The following NLE1 variants were observed in gnomAD, a reference collection of about 807,000 sequenced individuals.
The protein encoded by NLE1 is notchless homolog 1, also known as notchless protein homolog 1.
In NLE1, 37 loss-of-function variants were observed where a neutral mutation model predicts 62.8. The observed-to-expected ratio is 0.59, with a 90% CI of 0.45 to 0.78. The LOEUF is 0.78. Ranked by LOEUF, NLE1 falls within the 30% of genes least tolerant of loss-of-function variation. The pLI, the probability that NLE1 is intolerant of heterozygous loss-of-function variation, is 0.00. For missense variants in NLE1, 555 were observed against 637.9 expected, an observed-to-expected ratio of 0.87 and a Z score of 1.40; for synonymous variants, 243 against 253.0, an observed-to-expected ratio of 0.96 and a Z score of 0.37.
chr17:35,130,433 A>G lies in NLE1; in HGVS notation c.*2004T>C. Reference sequence around the variant, plus strand: ...GATCTGGAATACCTATTTCCCTGTTAAGGGGGAGGGCCCCAGGACACCCCT... The same window carrying G: ...GATCTGGAATACCTATTTCCCTGTTGAGGGGGAGGGCCCCAGGACACCCCT... On this transcript the variant is annotated 3_prime_UTR_variant, in exon 13 of 13. Coordinates refer to ENST00000442241, the MANE Select transcript of NLE1 (RefSeq NM_018096.5). 6.2e-7 allele frequency: 1 copy of G among 1,613,332 alleles called. No individual in the cohort carries two copies. Among genetic ancestry groups the G allele is most frequent in the African/African-American group, 1.3e-5 (1 of 74,990 alleles).
chr17:35,137,393 C>T lies in NLE1; in HGVS notation c.635+150G>A, dbSNP rs372211951. ...TCCCAAGCAGCAATGCAGGTCTGCCCGAGACCCTTCTCCCATGCCTGCCAA... is the reference window on the plus strand; with the variant it reads ...TCCCAAGCAGCAATGCAGGTCTGCCTGAGACCCTTCTCCCATGCCTGCCAA... On this transcript the variant is annotated intron_variant, in intron 6 of 12. Transcript: ENST00000442241. The T allele has an allele frequency of 9.7e-5, 79 of 813,722 alleles. No individual in the cohort carries two copies. The African/African-American group carries it at 1.2e-3, about 12-fold the overall frequency. The allele number at this position is 813,722 out of a possible 1,614,324, so 50.4% of individuals were successfully genotyped here.
At position 35,139,993 on chromosome 17, in the gene NLE1, G is replaced by T. The variant is rs746510430; in HGVS notation, c.236C>A (p.Ser79Tyr). 6.2e-7 allele frequency: 1 copy of T among 1,614,126 alleles called. No homozygotes were observed. Among genetic ancestry groups the T allele is most frequent in the Non-Finnish European group, 8.5e-7 (1 of 1,180,034 alleles). The change falls in exon 3 of 13, where the codon TCC (serine) becomes TAC (tyrosine). Residue 79 changes from serine (S) to tyrosine (Y), a missense_variant. Physicochemically the swap from Ser to Tyr is moderately radical, Grantham distance 144. Coordinates refer to ENST00000442241, the MANE Select transcript of NLE1 (RefSeq NM_018096.5). Reference sequence around the variant, plus strand: ...GACCTTCTCTGTCTCCACTGCCTGGGACTCCAACGTCTTCCCCAGTGAGGA... The same window carrying T: ...GACCTTCTCTGTCTCCACTGCCTGGTACTCCAACGTCTTCCCCAGTGAGGA... ...IVSSLGKTLESQAVETEKVLD... is the reference protein window; with the variant it reads ...IVSSLGKTLEYQAVETEKVLD...
In NLE1 at chr17:35,129,960, G is replaced by A. The variant is rs964715620; in HGVS notation, c.*2477C>T. On this transcript the variant is annotated 3_prime_UTR_variant, in exon 13 of 13. Coordinates refer to ENST00000442241, the MANE Select transcript of NLE1 (RefSeq NM_018096.5). ...AGTGCCCATGATTGTGAGTAGGCTG[G>A]GAAGTCAAGGGCATTGAAAGAAATA... 2 of 1,371,970 alleles carry A rather than the reference G, an allele frequency of 1.5e-6. No homozygotes were observed. Among genetic ancestry groups the A allele is most frequent in the African/African-American group, 1.5e-5 (1 of 68,704 alleles). The allele number at this position is 1,371,970 out of a possible 1,614,324, so 85.0% of individuals were successfully genotyped here. A position where few individuals can be genotyped will look rare whatever the true frequency, so the allele number is the denominator to read the frequency against.
At chr17:35,134,828 G>C in intron 10 of NLE1, 1 of 351,816 alleles carries the variant, frequency 2.8e-6, no homozygotes. Context: ...GAGGCAGTTG[G>C]ATCACTTGAG....
At chr17:35,133,564 C>A in intron 10 of NLE1, 66 bp from the exon 11 acceptor site, 2 of 1,455,222 alleles carry the variant, frequency 1.4e-6, no homozygotes, top group Non-Finnish European at 9.3e-7. Context: ...TCTGAAGGGT[C>A]CCCTACGCTC....
At position 35,131,327 on chromosome 17, in the gene NLE1, G is replaced by A. The variant is rs1286466230; in HGVS notation, c.*1110C>T. The A allele has an allele frequency of 2.6e-5, 4 of 152,360 alleles. No individual in the cohort carries two copies. Among genetic ancestry groups the A allele is most frequent in the Middle Eastern group, 6.3e-3 (2 of 316 alleles). 9.4% of individuals were successfully genotyped at this position (152,360 alleles called of 1,614,324 possible). A position where few individuals can be genotyped will look rare whatever the true frequency, so the allele number is the denominator to read the frequency against. On this transcript the variant is annotated 3_prime_UTR_variant, in exon 13 of 13. Coordinates refer to ENST00000442241, the MANE Select transcript of NLE1 (RefSeq NM_018096.5). ...CCCAAAAGCACAGACAAGGGTGGAG[G>A]AGGGTAAGAAGGAGCAAGATGCTAG...
intron 7 of NLE1, 101 bp from the exon 8 acceptor site, chr17:35,136,598 C>A: frequency 7.1e-7 from 1 of 1,403,424 alleles, no homozygotes; most frequent in Non-Finnish European, 9.7e-7. Flanking sequence ...CATCATCACT[C>A]ATGCATTGTG....
chr17:35,137,486 AAG>A (rs1230948961), intron 6 of NLE1, 55 bp downstream of exon 6: 35 of 1,396,276 alleles, frequency 2.5e-5, no homozygotes, highest in Non-Finnish European at 3.4e-5. Flanking sequence ...TGGGCAGGGA[AAG>A]GGGATGGCTT....
At position 35,140,881 on chromosome 17, in the gene NLE1, C is replaced by T. The variant is rs117237056; in HGVS notation, c.163-815G>A. ...CTGGGATTACAGGCATAAGCCACTG[C>T]ACCCGGCCTGAAATTCTTTATCTGC... On this transcript the variant is annotated intron_variant, in intron 2 of 12. Coordinates refer to ENST00000442241, the MANE Select transcript of NLE1 (RefSeq NM_018096.5). Among the ~76,000 whole-genome samples, 237 of 152,338 alleles carry T rather than the reference C, an allele frequency of 1.6e-3. 5 individuals are homozygous for T. The East Asian group carries it at 0.041, about 26-fold the overall frequency.
At chr17:35,140,980 C>G (rs1409702960) in intron 2 of NLE1, among the ~76,000 whole-genome samples, 1 of 152,180 alleles carries the variant, frequency 6.6e-6, no homozygotes, top group Admixed American at 6.5e-5. Flanking sequence ...CTCAGAACAA[C>G]TAAGTAATTA....
chr17:35,142,111 C>T lies in NLE1; in HGVS notation c.30G>A (p.Val10=). The change falls in exon 2 of 13, where the codon GTG becomes GTA. Residue 10 remains valine, a synonymous_variant. Coordinates refer to ENST00000442241, the MANE Select transcript of NLE1 (RefSeq NM_018096.5). MAAAVPDEA[V]ARDVQRLLVQ... ...CTAGCAACCGCTGCACATCGCGCGC[C>T]ACCGCCTCGTCCTGCGCGAGCAAGT... 6.2e-7 allele frequency: 1 copy of T among 1,611,656 alleles called. No homozygotes were observed.
chr17:35,130,552 G>C lies in NLE1; in HGVS notation c.*1885C>G. The C allele has an allele frequency of 2.7e-6, 3 of 1,117,246 alleles. No individual in the cohort carries two copies. Among genetic ancestry groups the C allele is most frequent in the South Asian group, 1.6e-5 (1 of 64,084 alleles). 69.2% of individuals were successfully genotyped at this position (1,117,246 alleles called of 1,614,324 possible). On this transcript the variant is annotated 3_prime_UTR_variant, in exon 13 of 13. Coordinates refer to ENST00000442241, the MANE Select transcript of NLE1 (RefSeq NM_018096.5). ...CCCTGCGGGCCCGGGGTCTGGCAGA[G>C]TGGTATGGGCACCCCACCCCTGGGC... is the stretch of plus-strand genomic sequence containing the variant.
In NLE1 at chr17:35,137,152, C is replaced by A. The variant is rs773627447; in HGVS notation, c.677G>T (p.Gly226Val). 1 of 1,612,700 alleles carries A rather than the reference C, an allele frequency of 6.2e-7. No homozygotes were observed. Among genetic ancestry groups the A allele is most frequent in the South Asian group, 1.1e-5 (1 of 91,018 alleles). Residue 226 changes from glycine to valine, a missense_variant, in exon 7 of 13, where the codon GGC (glycine) becomes GTC (valine). Coordinates refer to ENST00000442241, the MANE Select transcript of NLE1 (RefSeq NM_018096.5). ...AGTTGTGTCCCAGATCCGCACACTG[C>A]CATCCTTGGAGCTGCTGGCCACATA... ...CRYVASSSKDGSVRIWDTTAG... is the reference protein window; with the variant it reads ...CRYVASSSKDVSVRIWDTTAG...
chr17:35,141,022 G>A (rs1231049546), intron 2 of NLE1, among the ~76,000 whole-genome samples: 2 of 152,180 alleles, frequency 1.3e-5, no homozygotes, highest in African/African-American at 4.8e-5. Flanking sequence ...GATTAATTCA[G>A]GTTCTTTACG....
chr17:35,138,736 G>A (rs2091924958), intron 4 of NLE1, among the ~76,000 whole-genome samples: 2 of 152,196 alleles, frequency 1.3e-5, no homozygotes, highest in African/African-American at 4.8e-5. Flanking sequence ...GGGCCACCAC[G>A]CCTGGCCAGC....
At chr17:35,136,599 A>C in intron 7 of NLE1, 102 bp from the exon 8 acceptor site, 4 of 1,383,408 alleles carry the variant, frequency 2.9e-6, no homozygotes, top group South Asian at 1.4e-5. Context: ...ATCATCACTC[A>C]TGCATTGTGA....
intron 2 of NLE1, among the ~76,000 whole-genome samples, chr17:35,140,700 C>T (rs2091938223): frequency 6.6e-6 from 1 of 152,014 alleles, no homozygotes; most frequent in South Asian, 2.1e-4. Context: ...AAGCAATTCT[C>T]CTGCTTCAGC....
chr17:35,136,450 G>A lies in NLE1; in HGVS notation c.876C>T (p.Thr292=). 3 of 1,614,140 alleles carry A rather than the reference G, an allele frequency of 1.9e-6. No individual in the cohort carries two copies. The highest frequency in any genetic ancestry group is 2.5e-6 in the Non-Finnish European group (3 of 1,179,982). Reference sequence around the variant, plus strand: ...GGGCATAGTCAGTGCTGAGGGCCATGGTGTTCACCCAGTGGCCGTGGCCTT... The same window carrying A: ...GGGCATAGTCAGTGCTGAGGGCCATAGTGTTCACCCAGTGGCCGTGGCCTT... ...TLQGHGHWVN[T]MALSTDYALR... Residue 292 remains threonine, a synonymous_variant, in exon 8 of 13, where the codon ACC becomes ACT. Coordinates refer to ENST00000442241, the MANE Select transcript of NLE1 (RefSeq NM_018096.5).
rs2091873416 is a variant in NLE1, at chr17:35,131,015, G to A, written c.*1422C>T. ...CAAACTAGCTTGAGCTCTGGACGGA[G>A]GGATGTGGTACAAAGTGCACAATAA... On this transcript the variant is annotated 3_prime_UTR_variant, in exon 13 of 13. Transcript: ENST00000442241. 2 of 153,384 alleles carry A rather than the reference G, an allele frequency of 1.3e-5. No individual in the cohort carries two copies. The highest frequency in any genetic ancestry group is 4.8e-5 in the African/African-American group (2 of 41,604). 9.5% of individuals were successfully genotyped at this position (153,384 alleles called of 1,614,324 possible). A position where few individuals can be genotyped will look rare whatever the true frequency, so the allele number is the denominator to read the frequency against.
Sources: allele counts gnomAD v4.1 joint callset (sites outside exome capture counted in the v4.1 genomes callset), GRCh38; gene constraint gnomAD v4.1.1; transcripts MANE v1.5; gene names NCBI Gene and HGNC (gene_info 2026-07-23, HGNC 2026-07-21).